The following AP4E1 variants were observed in gnomAD, a reference collection of about 807,000 sequenced individuals.
The protein encoded by AP4E1 is AP-4 complex subunit epsilon-1.
A neutral mutation model predicts 128.2 loss-of-function variants in AP4E1; 56 were observed. The ratio of observed to expected loss-of-function variants is 0.44; its 90% CI spans 0.35 to 0.55. AP4E1 has a LOEUF of 0.55. Ranked by LOEUF, AP4E1 falls within the 20% of genes least tolerant of loss-of-function variation. The pLI is 0.00. For synonymous variants in AP4E1, 484 were observed against 473.1 expected (o/e 1.02, Z -0.30); for missense variants, 1,324 against 1,307.7 (o/e 1.01, Z -0.19).
chr15:50,990,521 G>A (rs2064791984), intron 16 of AP4E1, among the ~76,000 whole-genome samples: 2 of 151,922 alleles, frequency 1.3e-5, no homozygotes, highest in East Asian at 1.9e-4. Flanking sequence ...TCAAAGCCGG[G>A]ATTACAGACG....
At chr15:50,989,547 A>G (rs2064776057) in intron 16 of AP4E1, among the ~76,000 whole-genome samples, 1 of 150,226 alleles carries the variant, frequency 6.7e-6, no homozygotes, top group Non-Finnish European at 1.5e-5. Flanking sequence ...TTTAATTTTG[A>G]TACTCCAAGC....
intron 13 of AP4E1, among the ~76,000 whole-genome samples, chr15:50,951,722 C>A (rs376947633): frequency 1.5e-5 from 2 of 131,894 alleles, no homozygotes; most frequent in Non-Finnish European, 3.2e-5. Context: ...AGTTAATTTT[C>A]TTTCTTTTTT....
At chr15:50,981,998 T>A (rs2064648490) in intron 15 of AP4E1, among the ~76,000 whole-genome samples, 1 of 146,434 alleles carries the variant, frequency 6.8e-6, no homozygotes, top group African/African-American at 2.5e-5. Flanking sequence ...GGCAGGAGAA[T>A]CGCTTGAACA....
In AP4E1 at chr15:50,976,518, T is replaced by C. The variant is rs140563370; in HGVS notation, c.1967-7504T>C. Among the ~76,000 whole-genome samples, 13 of 152,246 alleles carry C rather than the reference T, an allele frequency of 8.5e-5. No homozygotes were observed. In the East Asian group the frequency reaches 2.5e-3, roughly 29 times the overall value. On this transcript the variant is annotated intron_variant, in intron 15 of 20. Transcript: ENST00000261842. ...GTCTCTTTTGTAGTCAACACAGTAC[T>C]GGAAGTATTAGCCAGAGCAGTTAAG...
At position 50,990,365 on chromosome 15, in the gene AP4E1, A is replaced by G. The variant is rs1025900415; in HGVS notation, c.2091-3005A>G. Among the ~76,000 whole-genome samples, 49 of 146,406 alleles carry G rather than the reference A, an allele frequency of 3.3e-4. 1 individual carries two copies. The highest frequency in any genetic ancestry group is 2.8e-3 in the Admixed American group (41 of 14,596). The stretch of plus-strand genomic sequence containing the variant: ...TTAATTTATTATTATTATTATTATT[A>G]TTATTATTATTTGAGACAAGTCTCA... On this transcript the variant is annotated intron_variant, in intron 16 of 20. Transcript: ENST00000261842.
chr15:50,940,343 AT>A (rs577208335), intron 8 of AP4E1, among the ~76,000 whole-genome samples: 1,867 of 151,688 alleles, frequency 0.012, 21 homozygotes, highest in Non-Finnish European at 0.02. Context: ...GAGGTTTAAA[AT>A]TTTTTTTTGT....
At chr15:50,934,041 C>T (rs1199927923) in intron 7 of AP4E1, among the ~76,000 whole-genome samples, 1 of 151,874 alleles carries the variant, frequency 6.6e-6, no homozygotes, top group Non-Finnish European at 1.5e-5. Flanking sequence ...TTTTTTTTCC[C>T]ACAGTATCTT....
intron 15 of AP4E1, among the ~76,000 whole-genome samples, chr15:50,978,293 G>A (rs2064586286): frequency 6.6e-6 from 1 of 151,792 alleles, no homozygotes; most frequent in Admixed American, 6.6e-5. Flanking sequence ...AAATAATAAG[G>A]GGAAACAGTA....
intron 2 of AP4E1, 34 bp from the exon 3 acceptor site, chr15:50,915,414 T>A: frequency 6.3e-7 from 1 of 1,598,986 alleles, no homozygotes; most frequent in Non-Finnish European, 8.6e-7. Flanking sequence ...ATATTCTGTT[T>A]ATTTATACAG....
chr15:50,985,148 T>A (rs2064702050), intron 16 of AP4E1, among the ~76,000 whole-genome samples: 1 of 152,014 alleles, frequency 6.6e-6, no homozygotes, highest in African/African-American at 2.4e-5. Flanking sequence ...CACTTTTTGA[T>A]GGGGTTGTTT....
rs553215015 is a variant in AP4E1 at position 50,927,757 on chromosome 15, C to T, written c.543-1252C>T. 2.6e-5 allele frequency among the ~76,000 whole-genome samples: 4 copies of T among 151,940 alleles called. No individual in the cohort carries two copies. In the East Asian group the frequency reaches 5.8e-4, roughly 22 times the overall value. On this transcript the variant is annotated intron_variant, in intron 5 of 20. Coordinates refer to ENST00000261842, the MANE Select transcript of AP4E1 (RefSeq NM_007347.5). The stretch of plus-strand genomic sequence containing the variant: ...TTTATTAATGGAATTTGTATGACCA[C>T]TTATTAAGAATCTTATAAAAGGAGT...
chr15:50,980,722 C>T (rs567020384), intron 15 of AP4E1, among the ~76,000 whole-genome samples: 1 of 152,286 alleles, frequency 6.6e-6, no homozygotes, highest in South Asian at 2.1e-4. Context: ...CATGGGCTTG[C>T]TGCCCAGAGC....
intron 15 of AP4E1, among the ~76,000 whole-genome samples, chr15:50,974,051 T>A (rs2064518836): frequency 6.6e-6 from 1 of 151,848 alleles, no homozygotes; most frequent in Non-Finnish European, 1.5e-5. Context: ...CTGCAACCTC[T>A]GCCTCCTGGG....
At chr15:50,987,122 A>G (rs372453910) in intron 16 of AP4E1, among the ~76,000 whole-genome samples, 2 of 152,052 alleles carry the variant, frequency 1.3e-5, no homozygotes, top group Non-Finnish European at 1.5e-5. Context: ...TTCTCTGATG[A>G]TAGTTTGTAT....
chr15:50,990,091 C>G (rs1222801764), intron 16 of AP4E1, among the ~76,000 whole-genome samples: 1 of 151,980 alleles, frequency 6.6e-6, no homozygotes, highest in African/African-American at 2.4e-5. Flanking sequence ...AAGTACATCC[C>G]TAGTCTTTTG....
intron 6 of AP4E1, among the ~76,000 whole-genome samples, chr15:50,930,237 T>G (rs918081557): frequency 2.9e-5 from 4 of 137,660 alleles, no homozygotes; most frequent in African/African-American, 1.1e-4. Context: ...CCGGCTTATT[T>G]GGTATTTTTA....
At chr15:50,955,682 G>A (rs1395919241) in intron 13 of AP4E1, among the ~76,000 whole-genome samples, 2 of 152,200 alleles carry the variant, frequency 1.3e-5, no homozygotes, top group African/African-American at 4.8e-5. Flanking sequence ...CAGGGACACT[G>A]TATTTCTCCT....
rs1434151704 is a variant in AP4E1, at chr15:50,978,865, T to C, written c.1967-5157T>C. ...TAGTCCTTTTAGGCGTTCATCACTA[T>C]ATGGGTCTTGGGGAGTTTTCACTGA... On this transcript the variant is annotated intron_variant, in intron 15 of 20. Transcript: ENST00000261842. Among the ~76,000 whole-genome samples, 5 of 152,318 alleles carry C rather than the reference T, an allele frequency of 3.3e-5. No homozygotes were observed. The South Asian group carries it at 8.3e-4, about 25-fold the overall frequency.
chr15:50,992,058 C>A (rs534744640), intron 16 of AP4E1, among the ~76,000 whole-genome samples: 1 of 149,798 alleles, frequency 6.7e-6, no homozygotes, highest in Non-Finnish European at 1.5e-5. Context: ...TTAAACTGTG[C>A]GGGTCCACTT....
Sources: allele counts gnomAD v4.1 joint callset (sites outside exome capture counted in the v4.1 genomes callset), GRCh38; gene constraint gnomAD v4.1.1; transcripts MANE v1.5; gene names NCBI Gene and HGNC (gene_info 2026-07-23, HGNC 2026-07-21).